Variants in GTF2E2 observed in about 807,000 individuals in gnomAD.
The protein encoded by GTF2E2 is general transcription factor IIE subunit 2.
GTF2E2 carries 21 observed loss-of-function variants against 40.5 expected under a neutral mutation model. That is an observed-to-expected ratio of 0.52 (90% CI 0.37 to 0.75). The LOEUF is 0.75. Among genes scored for constraint, GTF2E2 ranks in the 30% least tolerant of loss-of-function variants. The pLI, the probability that GTF2E2 is intolerant of heterozygous loss-of-function variation, is 0.00. For synonymous variants in GTF2E2, 117 were observed against 121.6 expected, an observed-to-expected ratio of 0.96 and a Z score of 0.25; for missense variants, 298 against 338.4, an observed-to-expected ratio of 0.88 and a Z score of 0.94.
chr8:30,654,564 A>G (rs757873346), intron 1 of GTF2E2, among the ~76,000 whole-genome samples: 12 of 152,188 alleles, frequency 7.9e-5, no homozygotes, highest in Admixed American at 2.0e-4. Flanking sequence ...CACCACACAC[A>G]GTTAATTTTT....
intron 2 of GTF2E2, among the ~76,000 whole-genome samples, chr8:30,650,821 C>G (rs1348853866): frequency 2.6e-5 from 4 of 152,134 alleles, no homozygotes; most frequent in African/African-American, 7.2e-5. Context: ...CGAGACCATC[C>G]TGGCTAACAG....
At chr8:30,626,358 G>A (rs531104686) in intron 3 of GTF2E2, among the ~76,000 whole-genome samples, 3 of 152,108 alleles carry the variant, frequency 2.0e-5, no homozygotes, top group African/African-American at 7.2e-5. Flanking sequence ...GGTGGCACAC[G>A]CCTGTAGTCC....
intron 6 of GTF2E2, among the ~76,000 whole-genome samples, chr8:30,604,298 T>C (rs1829261426): frequency 6.6e-6 from 1 of 152,084 alleles, no homozygotes; most frequent in Non-Finnish European, 1.5e-5. Context: ...GTAAGGGTGG[T>C]TAAATATTAA....
intron 3 of GTF2E2, among the ~76,000 whole-genome samples, chr8:30,618,548 T>C (rs1189976088): frequency 2.6e-5 from 4 of 152,038 alleles, no homozygotes; most frequent in East Asian, 1.9e-4. Flanking sequence ...TGTTATAAGA[T>C]GGATTGTGGA....
intron 5 of GTF2E2, among the ~76,000 whole-genome samples, 186 bp downstream of exon 5, chr8:30,612,113 G>A (rs555510089): frequency 2.0e-5 from 3 of 152,206 alleles, no homozygotes; most frequent in South Asian, 2.1e-4. Context: ...AAGTTACACA[G>A]AGATGGCTGC....
intron 5 of GTF2E2, among the ~76,000 whole-genome samples, chr8:30,609,636 C>G (rs1829427450): frequency 6.6e-6 from 1 of 152,074 alleles, no homozygotes; most frequent in Admixed American, 6.5e-5. Context: ...ATGGAAAAAT[C>G]CATCCAAAAA....
intron 6 of GTF2E2, among the ~76,000 whole-genome samples, chr8:30,594,750 G>C (rs974510429): frequency 6.6e-6 from 1 of 151,680 alleles, no homozygotes; most frequent in Non-Finnish European, 1.5e-5. Flanking sequence ...CCCAGCTACT[G>C]GGGAGGTGAG....
chr8:30,598,863 A>G (rs1412478923), intron 6 of GTF2E2, among the ~76,000 whole-genome samples: 2 of 152,234 alleles, frequency 1.3e-5, no homozygotes, highest in Non-Finnish European at 2.9e-5. Context: ...AATTTTTAAA[A>G]CAAGACAATC....
chr8:30,645,122 T>C (rs561596507), intron 2 of GTF2E2, among the ~76,000 whole-genome samples: 3 of 152,332 alleles, frequency 2.0e-5, no homozygotes, highest in Admixed American at 6.5e-5. Flanking sequence ...ACTAAGGACG[T>C]TGGCCCAGAT....
In GTF2E2 at chr8:30,614,735, T is replaced by C. The variant is rs770606981; in HGVS notation, c.259-20A>G. The stretch of plus-strand genomic sequence containing the variant: ...CCGTGTCTATCAAGTGAAGAAATTG[T>C]TATTAGAAGACAGTTTCAAAATGCT... On this transcript the variant is annotated intron_variant, in intron 3 of 7. Transcript: ENST00000355904. 7.2e-7 allele frequency: 1 copy of C among 1,388,146 alleles called. No individual in the cohort carries two copies. The highest frequency in any genetic ancestry group is 2.3e-5 in the East Asian group (1 of 43,810). 86.0% of individuals were successfully genotyped at this position (1,388,146 alleles called of 1,614,324 possible).
In GTF2E2 at chr8:30,641,266, CTT is replaced by C. The variant is rs1485190816; in HGVS notation, c.167-6145_167-6144del. 1.3e-5 allele frequency among the ~76,000 whole-genome samples: 2 copies of C among 152,204 alleles called. 1 individual carries two copies. Among genetic ancestry groups the C allele is most frequent in the Non-Finnish European group, 2.9e-5 (2 of 68,040 alleles). ...TTACAACATAAACCTGACCTATACA[CTT>C]TCTTAAACTGCTTAGACACTTCCAG... On this transcript the variant is annotated intron_variant, in intron 2 of 7. Coordinates refer to ENST00000355904, the MANE Select transcript of GTF2E2 (RefSeq NM_002095.6).
intron 4 of GTF2E2, among the ~76,000 whole-genome samples, chr8:30,614,240 A>G (rs1416890635): frequency 6.6e-6 from 1 of 152,212 alleles, no homozygotes; most frequent in African/African-American, 2.4e-5. Context: ...ACCCTACACC[A>G]TTTCTTTTAA....
At chr8:30,635,666 A>C (rs1219327823) in intron 2 of GTF2E2, among the ~76,000 whole-genome samples, 2 of 152,134 alleles carry the variant, frequency 1.3e-5, no homozygotes, top group African/African-American at 4.8e-5. Context: ...TACAGGTGTG[A>C]GCTACTGCAC....
intron 3 of GTF2E2, among the ~76,000 whole-genome samples, chr8:30,626,319 T>C (rs915746438): frequency 6.6e-6 from 1 of 152,164 alleles, no homozygotes; most frequent in South Asian, 2.1e-4. Context: ...ACCCCATCTC[T>C]ACTAAAAATA....
intron 3 of GTF2E2, among the ~76,000 whole-genome samples, chr8:30,618,604 T>A (rs1382172711): frequency 1.3e-5 from 2 of 152,168 alleles, no homozygotes; most frequent in Non-Finnish European, 2.9e-5. Context: ...TGTACAATGG[T>A]TTCACAAAGC....
intron 2 of GTF2E2, among the ~76,000 whole-genome samples, chr8:30,644,341 T>C (rs1414794937): frequency 6.6e-6 from 1 of 152,208 alleles, no homozygotes; most frequent in East Asian, 1.9e-4. Context: ...TTTATGTCTA[T>C]GGGTCACTCA....
At chr8:30,600,203 C>A (rs1160605428) in intron 6 of GTF2E2, among the ~76,000 whole-genome samples, 1 of 152,142 alleles carries the variant, frequency 6.6e-6, no homozygotes, top group African/African-American at 2.4e-5. Flanking sequence ...AAAATCAGCA[C>A]AAATGTGGCC....
At chr8:30,599,814 C>T (rs1220745373) in intron 6 of GTF2E2, among the ~76,000 whole-genome samples, 1 of 152,038 alleles carries the variant, frequency 6.6e-6, no homozygotes, top group Non-Finnish European at 1.5e-5. Context: ...GAAACCCCAT[C>T]TCTACTAAAA....
intron 3 of GTF2E2, among the ~76,000 whole-genome samples, chr8:30,626,614 G>A: frequency 6.6e-6 from 1 of 152,216 alleles, no homozygotes; most frequent in East Asian, 1.9e-4. Flanking sequence ...AGTGCAGCGT[G>A]ATGATTTCTG....
Sources: allele counts gnomAD v4.1 joint callset (sites outside exome capture counted in the v4.1 genomes callset), GRCh38; gene constraint gnomAD v4.1.1; transcripts MANE v1.5; gene names NCBI Gene and HGNC (gene_info 2026-07-23, HGNC 2026-07-21).